The following SPDYC variants were observed in gnomAD, a reference collection of about 807,000 sequenced individuals.
SPDYC encodes speedy protein C.
In SPDYC, 25 loss-of-function variants were observed where a neutral mutation model predicts 33.9. The ratio of observed to expected loss-of-function variants is 0.74; its 90% CI spans 0.54 to 1.03. The LOEUF (loss-of-function observed/expected upper bound fraction) is 1.03. SPDYC is among the 50% of genes least tolerant of loss of function. The probability of loss-of-function intolerance (pLI) is 0.00; values close to 1 mark genes in which losing one functional copy is unlikely to be tolerated. For missense variants in SPDYC, 349 were observed against 382.9 expected, an observed-to-expected ratio of 0.91 and a Z score of 0.74; for synonymous variants, 133 against 140.2, an observed-to-expected ratio of 0.95 and a Z score of 0.36.
At chr11:65,173,049 T>C in intron 6 of SPDYC, 35 bp downstream of exon 6, 1 of 1,604,374 alleles carries the variant, frequency 6.2e-7, no homozygotes, top group Non-Finnish European at 8.5e-7. Flanking sequence ...TGGGGGCTGG[T>C]GTGGGAGCTT....
At chr11:65,173,095 AG>A (rs1948458783) in intron 6 of SPDYC, 81 bp downstream of exon 6, 1 of 1,597,292 alleles carries the variant, frequency 6.3e-7, no homozygotes, top group African/African-American at 1.3e-5. Flanking sequence ...TATGAGAGAG[AG>A]GGCCATGGGC....
exon 5 of SPDYC, chr11:65,172,510 T>C (rs774080358): frequency 1.3e-5 from 20 of 1,581,686 alleles, no homozygotes; most frequent in Non-Finnish European, 1.6e-5. Flanking sequence ...GGGAAAAGAT[T>C]GGTGTTTACG....
chr11:65,173,277 G>T, downstream of SPDYC: 1 of 1,584,134 alleles, frequency 6.3e-7, no homozygotes. Flanking sequence ...ACCATTGGCT[G>T]TGCTCCCACC....
At position 65,172,361 on chromosome 11, in the gene SPDYC, T is replaced by C. The variant is rs144016819; in HGVS notation, c.344+30T>C. 1,263 of 1,613,950 alleles carry C rather than the reference T, an allele frequency of 7.8e-4. 4 individuals are homozygous for C. The African/African-American group carries it at 0.015, about 19-fold the overall frequency. ...GTGGTGGGGGCAGGCAGTGGAGGCA[T>C]TTGCTGGAGGTGTCAGATGGGACAG... On this transcript the variant is annotated intron_variant, in intron 4 of 6. Transcript: ENST00000377185.
chr11:65,172,126 C>T, intron 3 of SPDYC, 120 bp from the exon 4 acceptor site: 1 of 1,496,250 alleles, frequency 6.7e-7, no homozygotes, highest in Non-Finnish European at 9.3e-7. Context: ...CACACCACTT[C>T]CCACCATTTT....
At chr11:65,172,225 C>A (rs774888405) in intron 3 of SPDYC, 21 bp from the exon 4 acceptor site, 24 of 1,613,806 alleles carry the variant, frequency 1.5e-5, no homozygotes, top group South Asian at 1.1e-4. Context: ...ACTAACCCCC[C>A]ACCCCGATCT....
downstream of SPDYC, chr11:65,173,297 TCCTC>T (rs1948462046): frequency 4.0e-6 from 6 of 1,518,718 alleles, no homozygotes; most frequent in Middle Eastern, 1.8e-4. Flanking sequence ...CCCTGCCCCT[TCCTC>T]CCAGCCTGCA....
In SPDYC at chr11:65,172,231, G is replaced by C. The variant is rs201634151; in HGVS notation, c.259-15G>C. The C allele has an allele frequency of 6.2e-7, 1 of 1,613,850 alleles. No individual in the cohort carries two copies. The highest frequency in any genetic ancestry group is 8.5e-7 in the Non-Finnish European group (1 of 1,179,954). ...CAGAGAATAACTAACCCCCCACCCCGATCTGTCTCTGCAGTATCTCCTGGC... is the reference window on the plus strand; with the variant it reads ...CAGAGAATAACTAACCCCCCACCCCCATCTGTCTCTGCAGTATCTCCTGGC... On this transcript the variant is annotated splice_polypyrimidine_tract_variant and intron_variant, in intron 3 of 6. Coordinates refer to ENST00000377185, the Ensembl canonical transcript of SPDYC.
exon 6 of SPDYC, chr11:65,172,944 C>A (rs768601546): frequency 6.2e-7 from 1 of 1,614,156 alleles, no homozygotes; most frequent in Non-Finnish European, 8.5e-7. Context: ...TCAAAAACGC[C>A]TGGGGTGGGG....
exon 4 of SPDYC, chr11:65,172,328 C>T: frequency 6.2e-7 from 1 of 1,614,102 alleles, no homozygotes; most frequent in Non-Finnish European, 8.5e-7. Flanking sequence ...CTGTTCTTGG[C>T]CCTGTGAGTG....
At chr11:65,171,366 C>T in exon 2 of SPDYC, 1 of 1,612,614 alleles carries the variant, frequency 6.2e-7, no homozygotes, top group African/African-American at 1.3e-5. Flanking sequence ...AGATGAGTGA[C>T]TCCCAAGACC....
intron 6 of SPDYC, 72 bp downstream of exon 6, chr11:65,173,086 A>G: frequency 6.3e-7 from 1 of 1,596,806 alleles, no homozygotes; most frequent in Non-Finnish European, 8.6e-7. Context: ...GACCAACAAT[A>G]TGAGAGAGAG....
chr11:65,172,034 G>A (rs1300119621), intron 3 of SPDYC, 33 bp downstream of exon 3: 4 of 1,610,176 alleles, frequency 2.5e-6, no homozygotes, highest in Admixed American at 3.3e-5. Flanking sequence ...TCTCTTGAGG[G>A]TCAGGTTGAG....
At position 65,172,549 on chromosome 11, in the gene SPDYC, A is replaced by AAGCTTTGG. The variant is rs769205096; in HGVS notation, c.461_468dup (p.Ala157SerfsTer12). 1 of 1,568,860 alleles carries AAGCTTTGG rather than the reference A, an allele frequency of 6.4e-7. No individual in the cohort carries two copies. The highest frequency in any genetic ancestry group is 1.4e-5 in the African/African-American group (1 of 73,680). On this transcript the variant is annotated frameshift_variant, in exon 5 of 7. Transcript: ENST00000377185. LOFTEE classifies it high-confidence loss of function. ...GGGGAAATTCCTGCACCAGAGGGAT[A>AAGCTTTGG]AGCTTTGGGCACGGATGGGTTTCCG...
At chr11:65,171,889 T>C in intron 2 of SPDYC, 54 bp from the exon 3 acceptor site, 3 of 1,538,146 alleles carry the variant, frequency 2.0e-6, no homozygotes, top group South Asian at 2.2e-5. Context: ...GATGCCACTC[T>C]TCTCCATGGA....
At chr11:65,172,143 T>C in intron 3 of SPDYC, 103 bp from the exon 4 acceptor site, 5 of 1,529,092 alleles carry the variant, frequency 3.3e-6, no homozygotes, top group Non-Finnish European at 4.5e-6. Context: ...TTTTACTGAC[T>C]TTCTTTCCCT....
rs772300181 is a variant in SPDYC at position 65,172,815 on chromosome 11, T to C, written c.648T>C (p.Cys216=). The C allele has an allele frequency of 1.9e-6, 3 of 1,614,158 alleles. No individual in the cohort carries two copies. The East Asian group carries it at 6.7e-5, about 36-fold the overall frequency. ...GCCCTGGCCTCTCGCCGCCCCACTG[T>C]TCCCCCTGTGGTTTGCCCCAGCACT... The change falls in exon 6 of 7, where the codon TGT becomes TGC. Residue 216 remains cysteine (C), a synonymous_variant. Transcript: ENST00000377185.
chr11:65,171,197 G>A (rs914526850), intron 1 of SPDYC, 130 bp from the exon 2 acceptor site: 10 of 982,902 alleles, frequency 1.0e-5, no homozygotes, highest in South Asian at 1.9e-5. Flanking sequence ...GTTGCATCCC[G>A]GCTGCCTTCT....
chr11:65,172,501 G>A lies in SPDYC; in HGVS notation c.412G>A (p.Gly138Arg), dbSNP rs748706416. ...ATGTGAGATTTTTCCATGGGCCCTG[G>A]GAAAAGATTGGTGTTTACGAGTGGG... Residue 138 changes from glycine (G) to arginine (R), a missense_variant, in exon 5 of 7, where the codon GGA becomes AGA. Gly to Arg is a moderately radical substitution (Grantham distance 125, BLOSUM62 -2). Transcript: ENST00000377185. 1.1e-5 allele frequency: 17 copies of A among 1,581,820 alleles called. No homozygotes were observed. The East Asian group carries it at 3.4e-4, about 31-fold the overall frequency.
Sources: gnomAD v4.1 joint callset for allele counts on GRCh38, gnomAD v4.1.1 for gene constraint, MANE v1.5 for transcripts, NCBI Gene and HGNC (gene_info 2026-07-23, HGNC 2026-07-21) for gene names.